The following STARD13 variants were observed in gnomAD, a reference collection of about 807,000 sequenced individuals.
STARD13 encodes stAR-related lipid transfer protein 13.
Under a neutral mutation model 106.4 loss-of-function variants are expected in STARD13, and 62 were observed. The observed-to-expected ratio is 0.58, with a 90% CI of 0.48 to 0.72. STARD13 has a LOEUF of 0.72. Among genes scored for constraint, STARD13 ranks in the 30% least tolerant of loss-of-function variants. The pLI is 0.00. For missense variants in STARD13, 1,387 were observed against 1,424.0 expected (o/e 0.97, Z 0.42); for synonymous variants, 565 against 553.0 (o/e 1.02, Z -0.31).
chr13:33,292,336 C>T lies in STARD13; in HGVS notation c.124+57954G>A, dbSNP rs774480535. The stretch of plus-strand genomic sequence containing the variant: ...ATTTTCCCAGGCCCTCATAAAGAAT[C>T]AGCAGGCCTGTAATCCCAACACTTT... On this transcript the variant is annotated intron_variant, in intron 1 of 5. Transcript: ENST00000567873. 2.6e-5 allele frequency among the ~76,000 whole-genome samples: 4 copies of T among 151,830 alleles called. No individual in the cohort carries two copies. The East Asian group carries it at 7.7e-4, about 29-fold the overall frequency.
intron 1 of STARD13, among the ~76,000 whole-genome samples, chr13:33,293,784 C>T (rs1289163672): frequency 6.6e-6 from 1 of 152,192 alleles, no homozygotes; most frequent in African/African-American, 2.4e-5. Flanking sequence ...CAGCCTACAT[C>T]TTTCTCCTGT....
chr13:33,460,179 G>A, the STARD13 span, among the ~76,000 whole-genome samples: 1 of 151,992 alleles, frequency 6.6e-6, no homozygotes, highest in Non-Finnish European at 1.5e-5. Flanking sequence ...ATTATGGGAT[G>A]AAGGTCAATG....
At chr13:33,271,098 AC>A (rs1271090818) in intron 1 of STARD13, among the ~76,000 whole-genome samples, 1 of 152,190 alleles carries the variant, frequency 6.6e-6, no homozygotes, top group Non-Finnish European at 1.5e-5. Flanking sequence ...GAACATTGAT[AC>A]TTTTTTCTGA....
the STARD13 span, among the ~76,000 whole-genome samples, chr13:33,606,328 A>G: frequency 6.6e-6 from 1 of 152,146 alleles, no homozygotes; most frequent in Non-Finnish European, 1.5e-5. Flanking sequence ...AAAATGCAAT[A>G]ATAATACCTA....
chr13:33,614,379 T>G, the STARD13 span, among the ~76,000 whole-genome samples: 3 of 150,884 alleles, frequency 2.0e-5, no homozygotes, highest in Non-Finnish European at 2.9e-5. Flanking sequence ...GTTTCAGAAT[T>G]TCAGGATCCA....
chr13:33,452,180 G>C, the STARD13 span, among the ~76,000 whole-genome samples: 2 of 152,090 alleles, frequency 1.3e-5, no homozygotes, highest in South Asian at 4.2e-4. Flanking sequence ...TGGACCCAGG[G>C]GCACGAGGTC....
the STARD13 span, among the ~76,000 whole-genome samples, chr13:33,434,337 A>G: frequency 1.4e-5 from 2 of 142,596 alleles, no homozygotes; most frequent in South Asian, 2.4e-4. Flanking sequence ...TGGATGATAG[A>G]GCAAGACTCT....
chr13:33,112,765 G>C lies in STARD13; in HGVS notation c.2448C>G (p.Pro816=). 1 of 1,609,140 alleles carries C rather than the reference G, an allele frequency of 6.2e-7. No individual in the cohort carries two copies. The highest frequency in any genetic ancestry group is 8.5e-7 in the Non-Finnish European group (1 of 1,177,670). ...TPMNLAVCLA[P]SLFHLNLLKK... ...TCAATAAATTAAGATGAAAGAGGGA[G>C]GGGGCCAGACACACTGCCAGGTTCA... Residue 816 remains proline (P), a synonymous_variant, in exon 9 of 14, where the codon CCC becomes CCG. Transcript: ENST00000336934.
chr13:33,241,212 A>G lies in STARD13; in HGVS notation c.169+44258T>C, dbSNP rs890898455. Among the ~76,000 whole-genome samples the G allele has an allele frequency of 1.2e-4, 19 of 152,356 alleles. No homozygotes were observed. In the East Asian group the frequency reaches 3.7e-3, roughly 29 times the overall value. On this transcript the variant is annotated intron_variant, in intron 1 of 13. Transcript: ENST00000336934. ...TCTACAATCTATTAAGTGTCAAAAC[A>G]GACCTCTATTCATAGAAAGTAGATC...
At chr13:33,643,159 GCACA>G in the STARD13 span, among the ~76,000 whole-genome samples, 5,256 of 139,758 alleles carry the variant, frequency 0.038, 237 homozygotes, top group African/African-American at 0.11. Flanking sequence ...CATAGAACAT[GCACA>G]CACACACACA....
chr13:33,464,750 G>A, the STARD13 span, among the ~76,000 whole-genome samples: 8 of 152,158 alleles, frequency 5.3e-5, no homozygotes, highest in Non-Finnish European at 1.0e-4. Flanking sequence ...TTGGGAGGCT[G>A]AGGTGGGAGA....
At position 33,130,130 on chromosome 13, in the gene STARD13, T is replaced by G; in HGVS notation, c.547A>C (p.Ser183Arg). 6.2e-7 allele frequency: 1 copy of G among 1,614,164 alleles called. No individual in the cohort carries two copies. Among genetic ancestry groups the G allele is most frequent in the Non-Finnish European group, 8.5e-7 (1 of 1,180,026 alleles). ...CTCAGGTCTGTGAGGACGCTCTCAC[T>G]GCTGGTCGTGTTCCTCATCCCCGTG... is the stretch of plus-strand genomic sequence containing the variant. The part of the protein sequence containing the change: ...GGTGMRNTTS[S>R]ESVLTDLSEP... Residue 183 changes from serine (S) to arginine (R), a missense_variant, in exon 5 of 14, where the codon AGT becomes CGT. Coordinates refer to ENST00000336934, the MANE Select transcript of STARD13 (RefSeq NM_178006.4). The surrounding 1 kb of genome is among the most constrained non-coding windows in gnomAD (Gnocchi z 4.1).
chr13:33,179,465 T>C (rs369039611), intron 1 of STARD13, among the ~76,000 whole-genome samples: 3 of 152,252 alleles, frequency 2.0e-5, no homozygotes, highest in African/African-American at 7.2e-5. Context: ...GAGGTGCTTA[T>C]GTTACTTTCC....
At chr13:33,651,034 C>T in the STARD13 span, among the ~76,000 whole-genome samples, 4 of 152,370 alleles carry the variant, frequency 2.6e-5, no homozygotes, top group South Asian at 6.2e-4. Context: ...TATAGCAACA[C>T]TCATGGACTA....
chr13:33,517,979 G>T, the STARD13 span, among the ~76,000 whole-genome samples: 2 of 151,800 alleles, frequency 1.3e-5, no homozygotes, highest in African/African-American at 4.8e-5. Flanking sequence ...CTGCTTCTGG[G>T]ACTCATTATT....
At chr13:33,498,668 T>C in the STARD13 span, among the ~76,000 whole-genome samples, 1 of 152,130 alleles carries the variant, frequency 6.6e-6, no homozygotes, top group Non-Finnish European at 1.5e-5. Context: ...AAATAAAAAA[T>C]GCTAAAATGG....
the STARD13 span, among the ~76,000 whole-genome samples, chr13:33,591,677 T>C: frequency 1.5e-4 from 23 of 152,350 alleles, no homozygotes; most frequent in East Asian, 4.4e-3. Flanking sequence ...TCTGCTCATT[T>C]TTCTGGAGCC....
At chr13:33,310,542 TA>T (rs1893091536) in intron 1 of STARD13, among the ~76,000 whole-genome samples, 2 of 152,150 alleles carry the variant, frequency 1.3e-5, no homozygotes. Context: ...TCCTTTATTA[TA>T]AAAAAATAAC....
Position 33,112,795 on chromosome 13 carries a change from C to T in STARD13, c.2418G>A (p.Thr806=), listed in dbSNP as rs145394840. The change falls in exon 9 of 14, where the codon ACG becomes ACA. Residue 806 remains threonine (T), a synonymous_variant. Transcript: ENST00000336934. ...VVNLVEENQM[T]PMNLAVCLAP... is the part of the protein sequence containing the mutation. Reference sequence around the variant, plus strand: ...CCAGACACACTGCCAGGTTCATGGGCGTCATCTGATTCTCTTCCACCAAGT... The same window carrying T: ...CCAGACACACTGCCAGGTTCATGGGTGTCATCTGATTCTCTTCCACCAAGT... The T allele has an allele frequency of 3.5e-5, 56 of 1,613,804 alleles. No homozygotes were observed. Among genetic ancestry groups the T allele is most frequent in the Non-Finnish European group, 3.8e-5 (45 of 1,179,936 alleles).
Sources: allele counts gnomAD v4.1 joint callset (sites outside exome capture counted in the v4.1 genomes callset), GRCh38; gene constraint gnomAD v4.1.1; non-coding constraint Gnocchi (gnomAD v3.1); transcripts MANE v1.5; gene names NCBI Gene and HGNC (gene_info 2026-07-23, HGNC 2026-07-21).